Variants in CARD8 observed in about 807,000 individuals in gnomAD.
The protein encoded by CARD8 is caspase recruitment domain-containing protein 8.
A neutral mutation model predicts 53.2 loss-of-function variants in CARD8; 38 were observed. The ratio of observed to expected loss-of-function variants is 0.71; its 90% CI spans 0.55 to 0.94. The LOEUF (loss-of-function observed/expected upper bound fraction) is 0.94. Among genes scored for constraint, CARD8 ranks in the 40% least tolerant of loss-of-function variants. CARD8 has a pLI of 0.00. For synonymous variants in CARD8, 245 were observed against 244.9 expected (o/e 1.00, Z 0.00); for missense variants, 561 against 655.5 (o/e 0.86, Z 1.57).
At chr19:48,206,785 T>C (rs1049605989), downstream of CARD8, among the ~76,000 whole-genome samples, 1 of 152,186 alleles carries the variant, frequency 6.6e-6, no homozygotes, top group Non-Finnish European at 1.5e-5. Flanking sequence ...TTTGTGCATT[T>C]TGTTCAATTC....
intron 3 of CARD8, chr19:48,242,734 G>C (rs1345421899): frequency 1.3e-5 from 2 of 152,146 alleles, no homozygotes; most frequent in Non-Finnish European, 2.9e-5. Flanking sequence ...CTTAGGAGTG[G>C]AGTTGCTGGG....
intron 10 of CARD8, among the ~76,000 whole-genome samples, chr19:48,223,110 A>G (rs560660121): frequency 1.3e-5 from 2 of 152,120 alleles, no homozygotes; most frequent in South Asian, 4.2e-4. Flanking sequence ...TCGAGACCAG[A>G]CTGGACAACA....
At chr19:48,214,768 G>GTTTT (rs2038866642) in intron 13 of CARD8, among the ~76,000 whole-genome samples, 2 of 66,982 alleles carry the variant, frequency 3.0e-5, no homozygotes, top group African/African-American at 1.8e-4. Context: ...CTGCTATAAA[G>GTTTT]CTTTTTTTTT....
At chr19:48,237,263 T>C (rs1222016087) in intron 5 of CARD8, among the ~76,000 whole-genome samples, 5 of 152,076 alleles carry the variant, frequency 3.3e-5, no homozygotes, top group East Asian at 3.9e-4. Flanking sequence ...GCCTGTCATA[T>C]GATGTCAGCA....
chr19:48,242,781 G>T (rs2045424139), intron 3 of CARD8: 1 of 152,184 alleles, frequency 6.6e-6, no homozygotes. Context: ...TCAAGGAACT[G>T]CCAGACTGTT....
In CARD8 at chr19:48,208,535, G is replaced by C. The variant is rs116392127; in HGVS notation, c.*3175C>G. On this transcript the variant is annotated 3_prime_UTR_variant, in exon 14 of 14. Coordinates refer to ENST00000651546, the MANE Select transcript of CARD8 (RefSeq NM_001184900.3). ...TCTCATAAGATAACATTCACATTTCGAGGGTACATATCGGAACTACTGAGA... is the reference window on the plus strand; with the variant it reads ...TCTCATAAGATAACATTCACATTTCCAGGGTACATATCGGAACTACTGAGA... The C allele has an allele frequency of 6.6e-6, 1 of 152,258 alleles. No individual in the cohort carries two copies. The highest frequency in any genetic ancestry group is 2.4e-5 in the African/African-American group (1 of 41,524). The allele number at this position is 152,258 out of a possible 1,614,324, so 9.4% of individuals were successfully genotyped here.
At chr19:48,219,366 C>G (rs1178968021) in intron 11 of CARD8, among the ~76,000 whole-genome samples, 1 of 152,094 alleles carries the variant, frequency 6.6e-6, no homozygotes, top group Non-Finnish European at 1.5e-5. Context: ...GCTTCCAAAG[C>G]AGCCCCATCA....
At chr19:48,221,935 T>C in intron 10 of CARD8, 80 bp from the exon 11 acceptor site, 1 of 1,186,240 alleles carries the variant, frequency 8.4e-7, no homozygotes, top group Non-Finnish European at 1.2e-6. Flanking sequence ...ATTTATATGG[T>C]ATATTAAGTA....
Position 48,211,006 on chromosome 19 carries a change from TC to T in CARD8, c.*703del. The T allele has an allele frequency of 6.6e-6, 1 of 152,502 alleles. No individual in the cohort carries two copies. The highest frequency in any genetic ancestry group is 1.9e-4 in the East Asian group (1 of 5,330). 9.4% of individuals were successfully genotyped at this position (152,502 alleles called of 1,614,324 possible). A position where few individuals can be genotyped will look rare whatever the true frequency, so the allele number is the denominator to read the frequency against. The stretch of plus-strand genomic sequence containing the variant: ...TTACCCTCATTTTCTTTTTGGTGGT[TC>T]TGTGGAGTTGATTTACCACATTTCA... On this transcript the variant is annotated 3_prime_UTR_variant, in exon 14 of 14. Coordinates refer to ENST00000651546, the MANE Select transcript of CARD8 (RefSeq NM_001184900.3).
chr19:48,228,498 G>A (rs899874250), intron 10 of CARD8, among the ~76,000 whole-genome samples: 7 of 152,136 alleles, frequency 4.6e-5, no homozygotes, highest in African/African-American at 7.2e-5. Flanking sequence ...ACTGGGTGAC[G>A]CTAAACAGAG....
intron 3 of CARD8, 76 bp downstream of exon 3, chr19:48,249,447 T>C (rs1026702848): frequency 6.6e-6 from 1 of 152,328 alleles, no homozygotes; most frequent in Admixed American, 6.5e-5. Flanking sequence ...ATGTTTTAGA[T>C]ATTTTATTGT....
rs746997361 is a variant in CARD8 at position 48,230,484 on chromosome 19, A to G, written c.989T>C (p.Ile330Thr). 5.9e-5 allele frequency: 95 copies of G among 1,613,728 alleles called. No homozygotes were observed. Among genetic ancestry groups the G allele is most frequent in the Non-Finnish European group, 7.7e-5 (91 of 1,179,798 alleles). Residue 330 changes from isoleucine to threonine, a missense_variant, in exon 10 of 14, where the codon ATT becomes ACT. Ile to Thr is a moderately conservative substitution (Grantham distance 89, BLOSUM62 -1). Transcript: ENST00000651546. ...LIYYHPHPED[I>T]KFHLYLVPSD... Reference sequence around the variant, plus strand: ...GGGGACAAGGTACAAGTGGAACTTAATATCTTCGGGGTGGGGGTGATAATA... The same window carrying G: ...GGGGACAAGGTACAAGTGGAACTTAGTATCTTCGGGGTGGGGGTGATAATA...
chr19:48,206,223 G>T (rs2037341476), downstream of CARD8, among the ~76,000 whole-genome samples: 1 of 152,150 alleles, frequency 6.6e-6, no homozygotes, highest in African/African-American at 2.4e-5. Context: ...TTTATAAGAT[G>T]TTTTGGGAGA....
At chr19:48,221,268 G>A (rs1245905713) in intron 11 of CARD8, among the ~76,000 whole-genome samples, 2 of 152,124 alleles carry the variant, frequency 1.3e-5, no homozygotes, top group East Asian at 1.9e-4. Context: ...TAGGGATTTC[G>A]CTACATGGCA....
intron 6 of CARD8, chr19:48,233,612 A>G (rs1489203054): frequency 3.7e-5 from 12 of 324,244 alleles, no homozygotes; most frequent in East Asian, 8.6e-5. Context: ...GTGCATGTGC[A>G]TGCTGGAGTC....
At chr19:48,226,461 G>C (rs2041810224) in intron 10 of CARD8, among the ~76,000 whole-genome samples, 1 of 152,138 alleles carries the variant, frequency 6.6e-6, no homozygotes, top group Non-Finnish European at 1.5e-5. Context: ...CTGGCCTCAA[G>C]TGATCTGCTT....
chr19:48,241,201 T>C (rs956141562), intron 3 of CARD8, 138 bp from the exon 4 acceptor site: 3 of 596,680 alleles, frequency 5.0e-6, no homozygotes, highest in Admixed American at 2.9e-5. Flanking sequence ...TTGCTCCTAG[T>C]AGTGGTAGGT....
At chr19:48,234,268 T>C (rs1272552804) in intron 6 of CARD8, 135 bp downstream of exon 6, 5 of 842,912 alleles carry the variant, frequency 5.9e-6, no homozygotes, top group South Asian at 2.0e-5. Context: ...TCTGGATTCA[T>C]TGCTAGTATT....
chr19:48,234,597 T>G (rs181060186), intron 5 of CARD8, 54 bp from the exon 6 acceptor site: 1 of 1,495,324 alleles, frequency 6.7e-7, no homozygotes, highest in African/African-American at 1.4e-5. Flanking sequence ...TGCCTGATGA[T>G]AGCATAGGCT....
Sources: allele counts gnomAD v4.1 joint callset (sites outside exome capture counted in the v4.1 genomes callset), GRCh38; gene constraint gnomAD v4.1.1; transcripts MANE v1.5; gene names NCBI Gene and HGNC (gene_info 2026-07-23, HGNC 2026-07-21).